BAZ2A: variants seen among roughly 807,000 people sequenced by gnomAD.
BAZ2A encodes bromodomain adjacent to zinc finger domain protein 2A.
In BAZ2A, 34 loss-of-function variants were observed where a neutral mutation model predicts 199.9. That is an observed-to-expected ratio of 0.17 (90% confidence interval 0.13 to 0.23). The LOEUF (loss-of-function observed/expected upper bound fraction) is 0.23. BAZ2A is among the 10% of genes least tolerant of loss of function. BAZ2A has a pLI of 1.00. For synonymous variants in BAZ2A, 857 were observed against 883.9 expected (o/e 0.97, Z 0.54); for missense variants, 2,002 against 2,391.1 (o/e 0.84, Z 3.39).
intron 16 of BAZ2A, 128 bp from the exon 17 acceptor site, chr12:56,603,828 C>T (rs944156965): frequency 9.8e-7 from 1 of 1,019,158 alleles, no homozygotes. Context: ...GCCTGGCCAA[C>T]ATGGTGAAAC....
In BAZ2A at chr12:56,612,989, T is replaced by C. The variant is rs750511761; in HGVS notation, c.1135+26A>G. On this transcript the variant is annotated intron_variant, in intron 5 of 28. Transcript: ENST00000549884. ...TCATCTTTTCTCAGGTAAAGGTCTT[T>C]CTTTGTCCTACCTACCGTCACTTAC... 12 of 1,585,144 alleles carry C rather than the reference T, an allele frequency of 7.6e-6. No homozygotes were observed. The Admixed American group carries it at 1.7e-4, about 22-fold the overall frequency.
chr12:56,614,619 T>C (rs576881419), intron 3 of BAZ2A, among the ~76,000 whole-genome samples: 5 of 152,206 alleles, frequency 3.3e-5, no homozygotes, highest in Non-Finnish European at 7.3e-5. Flanking sequence ...AATCACTACA[T>C]TGGGCTCAGA....
At chr12:56,621,152 C>T in intron 1 of BAZ2A, 9 of 985,324 alleles carry the variant, frequency 9.1e-6, no homozygotes, top group Non-Finnish European at 1.1e-5. Context: ...AACTTCCATC[C>T]TATGTGCAGT....
chr12:56,621,121 C>T (rs543820928), intron 1 of BAZ2A: 1 of 985,314 alleles, frequency 1.0e-6, no homozygotes, highest in Non-Finnish European at 1.2e-6. Context: ...GTACACCTCC[C>T]CTGGTGTGGA....
chr12:56,623,553 T>C (rs1950989951), intron 1 of BAZ2A, among the ~76,000 whole-genome samples: 1 of 152,188 alleles, frequency 6.6e-6, no homozygotes, highest in Admixed American at 6.5e-5. Flanking sequence ...CATTTTAGCT[T>C]TGTAATTGTG....
chr12:56,611,258 C>T, intron 7 of BAZ2A: 1 of 455,218 alleles, frequency 2.2e-6, no homozygotes, highest in East Asian at 4.5e-5. Context: ...CCCTTGTCCA[C>T]AGAAATAGGA....
At chr12:56,629,086 T>C (rs921876183) in intron 1 of BAZ2A, among the ~76,000 whole-genome samples, 4 of 150,868 alleles carry the variant, frequency 2.7e-5, no homozygotes, top group Admixed American at 2.0e-4. Context: ...AGATCCAAGC[T>C]TGCCCAGAAG....
chr12:56,613,882 T>C, intron 4 of BAZ2A, 71 bp downstream of exon 4: 5 of 1,477,800 alleles, frequency 3.4e-6, no homozygotes, highest in Non-Finnish European at 9.2e-7. Context: ...TTTCCCATTT[T>C]ACTGTCTCTT....
chr12:56,619,570 A>T (rs1565830922), intron 1 of BAZ2A, among the ~76,000 whole-genome samples: 1 of 152,042 alleles, frequency 6.6e-6, no homozygotes, highest in East Asian at 1.9e-4. Context: ...AGTCTGCAAG[A>T]GTTACATTCA....
chr12:56,605,005 A>T, intron 14 of BAZ2A, 68 bp downstream of exon 14: 1 of 1,507,382 alleles, frequency 6.6e-7, no homozygotes, highest in Non-Finnish European at 8.9e-7. Flanking sequence ...ATATAAGGAA[A>T]AGAGAAACAC....
intron 3 of BAZ2A, 167 bp downstream of exon 3, chr12:56,614,847 C>T: frequency 1.4e-6 from 1 of 727,276 alleles, no homozygotes; most frequent in Non-Finnish European, 2.3e-6. Flanking sequence ...GGTGCTGCTG[C>T]CACAAAAACA....
chr12:56,630,546 C>G (rs1048913403), upstream of BAZ2A, among the ~76,000 whole-genome samples: 1 of 152,246 alleles, frequency 6.6e-6, no homozygotes. Context: ...ACAGGGCAAA[C>G]TGAAAGGCAT....
chr12:56,626,009 A>G (rs377462572), intron 1 of BAZ2A, among the ~76,000 whole-genome samples: 3 of 152,198 alleles, frequency 2.0e-5, no homozygotes, highest in South Asian at 2.1e-4. Flanking sequence ...AGAAAAGACA[A>G]AACACTAAGC....
In BAZ2A at chr12:56,630,150, T is replaced by C; in HGVS notation, c.-28A>G. ...CTGAGGCAGCGGCGTCCAGCCGGGC[T>C]CGGGGCTCGTCTCTCCCCGGGGTAC... On this transcript the variant is annotated 5_prime_UTR_variant, in exon 1 of 29. Transcript: ENST00000549884. 1.0e-6 allele frequency: 1 copy of C among 985,508 alleles called. No homozygotes were observed. Among genetic ancestry groups the C allele is most frequent in the African/African-American group, 1.7e-5 (1 of 57,358 alleles). The allele number at this position is 985,508 out of a possible 1,614,324, so 61.0% of individuals were successfully genotyped here. A position where few individuals can be genotyped will look rare whatever the true frequency, so the allele number is the denominator to read the frequency against.
intron 1 of BAZ2A, among the ~76,000 whole-genome samples, chr12:56,627,803 G>A (rs1951150703): frequency 6.8e-6 from 1 of 147,514 alleles, no homozygotes; most frequent in East Asian, 2.0e-4. Flanking sequence ...TCCAGCCTGG[G>A]CATCGGAGTG....
chr12:56,614,631 G>A (rs1037912501), intron 3 of BAZ2A, among the ~76,000 whole-genome samples: 3 of 152,114 alleles, frequency 2.0e-5, no homozygotes, highest in African/African-American at 4.8e-5. Context: ...GGGCTCAGAC[G>A]ACTTTAACAG....
At chr12:56,614,924 G>A (rs973652534) in intron 3 of BAZ2A, 90 bp downstream of exon 3, 5 of 1,340,032 alleles carry the variant, frequency 3.7e-6, no homozygotes, top group African/African-American at 2.9e-5. Flanking sequence ...CAGAGAGCTG[G>A]AAAGACAAGT....
chr12:56,601,416 G>C lies in BAZ2A; in HGVS notation c.4072-14C>G, dbSNP rs201559566. On this transcript the variant is annotated splice_polypyrimidine_tract_variant and intron_variant, in intron 20 of 28. Transcript: ENST00000549884. ...AGGTCTATTCATCTGTGAATAAAAT[G>C]AGACATAAGGAAATGAGGATGTTTT... 8 of 1,607,606 alleles carry C rather than the reference G, an allele frequency of 5.0e-6. No homozygotes were observed. The Admixed American group carries it at 5.1e-5, about 10-fold the overall frequency.
At position 56,605,863 on chromosome 12, in the gene BAZ2A, C is replaced by G; in HGVS notation, c.2460G>C (p.Lys820Asn). 6.2e-7 allele frequency: 1 copy of G among 1,606,838 alleles called. No homozygotes were observed. Among genetic ancestry groups the G allele is most frequent in the Non-Finnish European group, 8.5e-7 (1 of 1,176,600 alleles). Reference protein sequence around the residue: ...RQQMILEEMKKPTEDMCLTDH... With the variant: ...RQQMILEEMKNPTEDMCLTDH... ...CAGTCAGACACATATCCTCTGTCGGCTTCTTCATTTCCTCCAAGATCATCT... is the reference window on the plus strand; with the variant it reads ...CAGTCAGACACATATCCTCTGTCGGGTTCTTCATTTCCTCCAAGATCATCT... Residue 820 changes from lysine (K) to asparagine (N), a missense_variant, in exon 13 of 29, where the codon AAG becomes AAC. Physicochemically the swap from Lys to Asn is moderately conservative, Grantham distance 94. Transcript: ENST00000549884.
Sources: gnomAD v4.1 joint callset for allele counts (sites outside exome capture counted in the v4.1 genomes callset) on GRCh38, gnomAD v4.1.1 for gene constraint, MANE v1.5 for transcripts, NCBI Gene and HGNC (gene_info 2026-07-23, HGNC 2026-07-21) for gene names.